The following ATP8A2 variants were observed in gnomAD, a reference collection of about 807,000 sequenced individuals.
The protein encoded by ATP8A2 is ATPase phospholipid transporting 8A2, also known as phospholipid-transporting ATPase IB.
In ATP8A2, 100 loss-of-function variants were observed where a neutral mutation model predicts 165.6. The observed-to-expected ratio is 0.60, with a 90% CI of 0.51 to 0.71. ATP8A2 has a LOEUF of 0.71. ATP8A2 is among the 30% of genes least tolerant of loss of function. ATP8A2 has a pLI of 0.00. For missense variants in ATP8A2, 1,227 were observed against 1,479.5 expected (o/e 0.83, Z 2.80); for synonymous variants, 543 against 548.8 (o/e 0.99, Z 0.15).
At chr13:25,624,650 G>A (rs998184892) in intron 24 of ATP8A2, among the ~76,000 whole-genome samples, 21 of 152,168 alleles carry the variant, frequency 1.4e-4, no homozygotes, top group Non-Finnish European at 1.3e-4. Context: ...ATTGAGGTAT[G>A]TATGTAATTA....
intron 1 of ATP8A2, among the ~76,000 whole-genome samples, chr13:25,451,940 C>T (rs962467999): frequency 9.2e-5 from 14 of 151,416 alleles, no homozygotes; most frequent in South Asian, 2.1e-4. Flanking sequence ...CTGTGACCTC[C>T]GCCTCCTGGG....
intron 33 of ATP8A2, among the ~76,000 whole-genome samples, chr13:25,954,495 A>G (rs915836635): frequency 2.6e-5 from 4 of 152,214 alleles, no homozygotes; most frequent in African/African-American, 9.6e-5. Flanking sequence ...CCAGCAGAGC[A>G]CTAGAGCTCT....
chr13:25,643,624 T>C (rs2041593873), intron 24 of ATP8A2, among the ~76,000 whole-genome samples: 1 of 152,142 alleles, frequency 6.6e-6, no homozygotes, highest in Non-Finnish European at 1.5e-5. Context: ...GGTGAGTCTT[T>C]TTTTGTGTGA....
chr13:25,674,882 AAAG>A (rs1314650482), intron 24 of ATP8A2, among the ~76,000 whole-genome samples: 7 of 152,236 alleles, frequency 4.6e-5, no homozygotes, highest in African/African-American at 1.7e-4. Context: ...CTCGCCTTCA[AAAG>A]ATAATTTTGA....
At chr13:25,424,831 G>A (rs552035020) in intron 1 of ATP8A2, among the ~76,000 whole-genome samples, 7 of 152,262 alleles carry the variant, frequency 4.6e-5, no homozygotes, top group African/African-American at 4.8e-5. Flanking sequence ...GGTGGTGGGC[G>A]CCTGTAGTTC....
chr13:25,818,769 A>G (rs979674279), intron 27 of ATP8A2, among the ~76,000 whole-genome samples: 14 of 152,176 alleles, frequency 9.2e-5, no homozygotes, highest in South Asian at 4.1e-4. Flanking sequence ...GCATATATCC[A>G]TTTATTGAGC....
chr13:25,584,407 A>G (rs1020763687), intron 23 of ATP8A2, among the ~76,000 whole-genome samples: 3 of 152,164 alleles, frequency 2.0e-5, no homozygotes, highest in Non-Finnish European at 4.4e-5. Context: ...CTCCCATAAT[A>G]CTTTACATTT....
chr13:25,642,330 A>G (rs1380107282), intron 24 of ATP8A2, among the ~76,000 whole-genome samples: 3 of 152,198 alleles, frequency 2.0e-5, no homozygotes, highest in East Asian at 1.9e-4. Flanking sequence ...AGAATGGGAG[A>G]AAATTTTTGC....
intron 1 of ATP8A2, among the ~76,000 whole-genome samples, chr13:25,384,845 C>A (rs891435313): frequency 6.6e-6 from 1 of 152,146 alleles, no homozygotes; most frequent in Non-Finnish European, 1.5e-5. Flanking sequence ...TCCAGAACCC[C>A]CATCCCAGTT....
intron 25 of ATP8A2, among the ~76,000 whole-genome samples, chr13:25,726,610 T>G (rs1279781173): frequency 2.0e-5 from 3 of 152,174 alleles, no homozygotes; most frequent in African/African-American, 7.2e-5. Context: ...GTGAAATCTC[T>G]CTCTCTCTGT....
chr13:25,478,359 T>C (rs758995022), intron 2 of ATP8A2, among the ~76,000 whole-genome samples: 31 of 152,324 alleles, frequency 2.0e-4, no homozygotes, highest in Non-Finnish European at 3.8e-4. Context: ...CTACTACTTA[T>C]AGCTGAGTCA....
Position 26,020,739 on chromosome 13 carries a change from A to G in ATP8A2, c.*754A>G, listed in dbSNP as rs1204943524. The G allele has an allele frequency of 6.6e-6, 1 of 152,352 alleles. No individual in the cohort carries two copies. Among genetic ancestry groups the G allele is most frequent in the Non-Finnish European group, 1.5e-5 (1 of 68,148 alleles). The allele number at this position is 152,352 out of a possible 1,614,324, so 9.4% of individuals were successfully genotyped here. A position where few individuals can be genotyped will look rare whatever the true frequency, so the allele number is the denominator to read the frequency against. On this transcript the variant is annotated 3_prime_UTR_variant, in exon 37 of 37. Transcript: ENST00000381655. ...GTGCATGGCGGCCGATGGGCAGCCA[A>G]CCCAAACCCGCGCCTTTCCTTGTTC...
At chr13:25,995,393 T>C (rs1403657674) in intron 35 of ATP8A2, among the ~76,000 whole-genome samples, 1 of 151,640 alleles carries the variant, frequency 6.6e-6, no homozygotes, top group Non-Finnish European at 1.5e-5. Context: ...AGTTTCTTCA[T>C]GTGAGAACTT....
intron 1 of ATP8A2, among the ~76,000 whole-genome samples, chr13:25,426,079 G>A (rs975091357): frequency 4.6e-5 from 7 of 152,188 alleles, no homozygotes; most frequent in Non-Finnish European, 1.0e-4. Flanking sequence ...CCAGGGGTTG[G>A]GGGAGGGAGA....
At chr13:25,462,318 A>G (rs2137485213) in intron 1 of ATP8A2, among the ~76,000 whole-genome samples, 1 of 152,274 alleles carries the variant, frequency 6.6e-6, no homozygotes, top group East Asian at 1.9e-4. Flanking sequence ...GGCTTCCCAG[A>G]CCACCTGCAC....
At chr13:25,562,056 A>G (rs2039172426) in intron 15 of ATP8A2, among the ~76,000 whole-genome samples, 3 of 152,100 alleles carry the variant, frequency 2.0e-5, no homozygotes, top group African/African-American at 4.8e-5. Context: ...CCTTTTGGCT[A>G]CTGTGAATAA....
chr13:25,696,946 G>A (rs569500017), intron 24 of ATP8A2, among the ~76,000 whole-genome samples: 17 of 152,234 alleles, frequency 1.1e-4, no homozygotes, highest in Admixed American at 1.0e-3. Flanking sequence ...TAACATCAAA[G>A]GTCACTGATG....
At chr13:25,615,071 C>T (rs1359118120) in intron 24 of ATP8A2, among the ~76,000 whole-genome samples, 1 of 152,140 alleles carries the variant, frequency 6.6e-6, no homozygotes, top group African/African-American at 2.4e-5. Flanking sequence ...GGGGGTTTCT[C>T]AGGCAGTGGG....
At chr13:25,586,925 A>G (rs2039937287) in intron 23 of ATP8A2, among the ~76,000 whole-genome samples, 2 of 152,182 alleles carry the variant, frequency 1.3e-5, no homozygotes. Flanking sequence ...CATAGACTAT[A>G]TAATATTTTG....
Sources: allele counts gnomAD v4.1 joint callset (sites outside exome capture counted in the v4.1 genomes callset), GRCh38; gene constraint gnomAD v4.1.1; transcripts MANE v1.5; gene names NCBI Gene and HGNC (gene_info 2026-07-23, HGNC 2026-07-21).